Variants in SEL1L3 observed in about 807,000 individuals in gnomAD.
The protein encoded by SEL1L3 is SEL1L family member 3, also known as protein sel-1 homolog 3.
A neutral mutation model predicts 142.8 loss-of-function variants in SEL1L3; 76 were observed. The observed-to-expected ratio is 0.53, with a 90% CI of 0.44 to 0.64. SEL1L3 has a LOEUF of 0.64. Ranked by LOEUF, SEL1L3 falls within the 30% of genes least tolerant of loss-of-function variation. SEL1L3 has a pLI of 0.00. For synonymous variants in SEL1L3, 504 were observed against 519.6 expected (o/e 0.97, Z 0.41); for missense variants, 1,262 against 1,381.7 (o/e 0.91, Z 1.37).
At chr4:25,824,439 A>AC in intron 6 of SEL1L3, among the ~76,000 whole-genome samples, 1 of 152,346 alleles carries the variant, frequency 6.6e-6, no homozygotes, top group Non-Finnish European at 1.5e-5. Flanking sequence ...TAGTAATAGT[A>AC]CCTGCCTGTA....
intron 23 of SEL1L3, among the ~76,000 whole-genome samples, chr4:25,752,418 G>GAA (rs76936235): frequency 0.059 from 5,789 of 98,676 alleles, 193 homozygotes; most frequent in East Asian, 0.11. Flanking sequence ...CTCCATCTCC[G>GAA]AAAAAAAAAA....
rs1233266085 is a variant in SEL1L3, at chr4:25,835,214, C to T, written c.843G>A (p.Gln281=). The T allele has an allele frequency of 1.2e-6, 2 of 1,614,060 alleles. No individual in the cohort carries two copies. The highest frequency in any genetic ancestry group is 1.7e-6 in the Non-Finnish European group (2 of 1,179,886). The change falls in exon 3 of 24, where the codon CAG becomes CAA. Residue 281 remains glutamine (Q), a synonymous_variant. Coordinates refer to ENST00000399878, the MANE Select transcript of SEL1L3 (RefSeq NM_015187.5). ...RNRELEATRR[Q]RMDYPVFTVS... ...ATCCTTACACTGGGTAATCCATCCT[C>T]TGGCGTCGAGTGGCCTCCAGCTCTC...
chr4:25,856,875 G>A (rs1468240445), intron 1 of SEL1L3, among the ~76,000 whole-genome samples: 1 of 152,116 alleles, frequency 6.6e-6, no homozygotes, highest in Non-Finnish European at 1.5e-5. Context: ...TTCTCTATCT[G>A]GTCTCCACTT....
At chr4:25,767,455 C>T in intron 19 of SEL1L3, 70 bp downstream of exon 19, 1 of 788,074 alleles carries the variant, frequency 1.3e-6, no homozygotes, top group South Asian at 1.6e-5. Context: ...ACAAAGCTGT[C>T]AGATGTTCCC....
chr4:25,762,749 G>T (rs1560281012), intron 20 of SEL1L3, among the ~76,000 whole-genome samples: 1 of 152,174 alleles, frequency 6.6e-6, no homozygotes. Flanking sequence ...GGAGGCCAAG[G>T]TGGGCGGATC....
intron 1 of SEL1L3, among the ~76,000 whole-genome samples, chr4:25,857,121 C>A (rs1717314456): frequency 6.6e-6 from 1 of 152,054 alleles, no homozygotes; most frequent in Non-Finnish European, 1.5e-5. Flanking sequence ...AAGTGTCTTG[C>A]CTTAAAGGGC....
intron 16 of SEL1L3, among the ~76,000 whole-genome samples, chr4:25,778,117 A>C (rs1719759354): frequency 6.6e-6 from 1 of 152,154 alleles, no homozygotes; most frequent in African/African-American, 2.4e-5. Flanking sequence ...TGTGCCTCCC[A>C]TTCACCATAC....
rs371793673 is a variant in SEL1L3 at position 25,790,485 on chromosome 4, A to G, written c.2046T>C (p.His682=). Residue 682 remains histidine (H), a synonymous_variant, in exon 12 of 24, where the codon CAT becomes CAC. Coordinates refer to ENST00000399878, the MANE Select transcript of SEL1L3 (RefSeq NM_015187.5). ...CTGCTGCATTGCCTCGGGTAGCTTCATGCTTCAACCACATAAAGACATCTC... is the reference window on the plus strand; with the variant it reads ...CTGCTGCATTGCCTCGGGTAGCTTCGTGCTTCAACCACATAAAGACATCTC... ...EDGDVFMWLK[H]EATRGNAAAQ... is the part of the protein sequence containing the mutation. 7.1e-5 allele frequency: 115 copies of G among 1,613,758 alleles called. No homozygotes were observed. Among genetic ancestry groups the G allele is most frequent in the Middle Eastern group, 1.6e-4 (1 of 6,084 alleles).
In SEL1L3 at chr4:25,789,791, C is replaced by A. The variant is rs140376944; in HGVS notation, c.2076+664G>T. 1.6e-3 allele frequency among the ~76,000 whole-genome samples: 242 copies of A among 152,204 alleles called. No homozygotes were observed. The Middle Eastern group carries it at 0.02, about 13-fold the overall frequency. ...GGAGGCTTCCTCCTGGTGCAATCAG[C>A]CTTCACAGGCTCCCACAAAGGGCTC... is the stretch of plus-strand genomic sequence containing the variant. On this transcript the variant is annotated intron_variant, in intron 12 of 23. Coordinates refer to ENST00000399878, the MANE Select transcript of SEL1L3 (RefSeq NM_015187.5).
chr4:25,835,911 CA>C (rs1328033918), intron 2 of SEL1L3, among the ~76,000 whole-genome samples: 4 of 152,198 alleles, frequency 2.6e-5, no homozygotes, highest in African/African-American at 7.2e-5. Flanking sequence ...CTTCATTTCA[CA>C]ACAAACTATG....
chr4:25,782,178 T>G lies in SEL1L3; in HGVS notation c.2457+64A>C, dbSNP rs571674293. The G allele has an allele frequency of 5.1e-5, 75 of 1,481,938 alleles. No homozygotes were observed. In the Admixed American group the frequency reaches 1.1e-3, roughly 22 times the overall value. 91.8% of individuals were successfully genotyped at this position (1,481,938 alleles called of 1,614,324 possible). The stretch of plus-strand genomic sequence containing the variant: ...TTGGGTCTGGTGCACACAGTGTACC[T>G]TCAACAAATGCTTCATGATCAAGTG... On this transcript the variant is annotated intron_variant, in intron 15 of 23. Coordinates refer to ENST00000399878, the MANE Select transcript of SEL1L3 (RefSeq NM_015187.5).
chr4:25,848,579 T>C (rs556761257), intron 1 of SEL1L3, among the ~76,000 whole-genome samples: 2 of 152,376 alleles, frequency 1.3e-5, no homozygotes, highest in Non-Finnish European at 2.9e-5. Context: ...GGTGCTGATA[T>C]GTGAGTGCTA....
At chr4:25,845,567 T>C (rs528067489) in intron 2 of SEL1L3, among the ~76,000 whole-genome samples, 1 of 152,336 alleles carries the variant, frequency 6.6e-6, no homozygotes, top group South Asian at 2.1e-4. Context: ...CCAACTATCA[T>C]GTATGGTGAC....
intron 17 of SEL1L3, among the ~76,000 whole-genome samples, chr4:25,772,782 G>GA (rs1258661654): frequency 6.6e-5 from 10 of 151,988 alleles, no homozygotes; most frequent in Non-Finnish European, 1.5e-4. Context: ...CAAAATGTGT[G>GA]AATCTTATTT....
chr4:25,759,425 C>T (rs1718226195), intron 20 of SEL1L3: 1 of 187,600 alleles, frequency 5.3e-6, no homozygotes, highest in South Asian at 1.1e-4. Flanking sequence ...CCATTGCCTA[C>T]AGACTATGCC....
intron 6 of SEL1L3, among the ~76,000 whole-genome samples, chr4:25,824,159 C>T (rs900947315): frequency 6.6e-6 from 1 of 152,158 alleles, no homozygotes; most frequent in Admixed American, 6.5e-5. Flanking sequence ...CTGAGAGTTG[C>T]GAACTGAGTC....
At chr4:25,818,413 T>C (rs1714539473) in intron 8 of SEL1L3, 135 bp from the exon 9 acceptor site, 1 of 790,828 alleles carries the variant, frequency 1.3e-6, no homozygotes. Context: ...TTTTGGGATT[T>C]GAAATTGGCT....
the SEL1L3 span, among the ~76,000 whole-genome samples, chr4:25,734,218 G>T: frequency 6.6e-6 from 1 of 151,950 alleles, no homozygotes; most frequent in Non-Finnish European, 1.5e-5. Flanking sequence ...TTTGTTTTTT[G>T]TATTTTTAGT....
chr4:25,822,168 G>A, intron 6 of SEL1L3, 40 bp from the exon 7 acceptor site: 1 of 1,610,754 alleles, frequency 6.2e-7, no homozygotes, highest in Non-Finnish European at 8.5e-7. Flanking sequence ...CTCCATGCCG[G>A]AACTAGATGA....
Sources: allele counts gnomAD v4.1 joint callset (sites outside exome capture counted in the v4.1 genomes callset), GRCh38; gene constraint gnomAD v4.1.1; transcripts MANE v1.5; gene names NCBI Gene and HGNC (gene_info 2026-07-23, HGNC 2026-07-21).